The following RNF121 variants were observed in gnomAD, a reference collection of about 807,000 sequenced individuals.
RNF121 encodes the protein ring finger protein 121, also known as E3 ubiquitin ligase RNF121.
A neutral mutation model predicts 46.5 loss-of-function variants in RNF121; 21 were observed. The observed-to-expected ratio is 0.45, with a 90% CI of 0.32 to 0.65. The LOEUF (loss-of-function observed/expected upper bound fraction) is 0.65, where lower values mean the gene tolerates loss of function less well. Among genes scored for constraint, RNF121 ranks in the 30% least tolerant of loss-of-function variants. The pLI, the probability that RNF121 is intolerant of heterozygous loss-of-function variation, is 0.04. For missense variants in RNF121, 346 were observed against 416.0 expected (o/e 0.83, Z 1.46); for synonymous variants, 139 against 144.7 (o/e 0.96, Z 0.28).
chr11:71,983,580 TG>T (rs1954707425), intron 4 of RNF121: 2 of 152,246 alleles, frequency 1.3e-5, no homozygotes, highest in African/African-American at 4.8e-5. Context: ...CACCAGCTTG[TG>T]AGGTAATTTA....
At chr11:71,932,474 A>AGG (rs35483977) in intron 1 of RNF121, among the ~76,000 whole-genome samples, 3 of 152,220 alleles carry the variant, frequency 2.0e-5, no homozygotes, top group Non-Finnish European at 4.4e-5. Context: ...TTTGTGCTCT[A>AGG]GGGGGTGGGA....
At chr11:71,945,903 G>A (rs775269754) in intron 1 of RNF121, among the ~76,000 whole-genome samples, 5 of 151,952 alleles carry the variant, frequency 3.3e-5, no homozygotes, top group African/African-American at 9.7e-5. Context: ...ACTTGAACCC[G>A]GGAGTTCAAG....
chr11:71,945,982 G>A (rs187498629), intron 1 of RNF121, among the ~76,000 whole-genome samples: 246 of 152,010 alleles, frequency 1.6e-3, no homozygotes, highest in Non-Finnish European at 2.9e-3. Context: ...ATGGTGGCTC[G>A]TTTCTGTAGT....
intron 1 of RNF121, among the ~76,000 whole-genome samples, chr11:71,955,966 T>G (rs1322968190): frequency 6.6e-6 from 1 of 152,188 alleles, no homozygotes; most frequent in African/African-American, 2.4e-5. Context: ...CTGGTAAATT[T>G]ATTTTTTGAC....
chr11:71,993,238 C>T (rs879512349), intron 6 of RNF121, among the ~76,000 whole-genome samples: 3 of 152,204 alleles, frequency 2.0e-5, no homozygotes, highest in Non-Finnish European at 4.4e-5. Context: ...GACCATGTCA[C>T]CATTTTGACC....
At chr11:71,946,867 CTT>C (rs34778760) in intron 1 of RNF121, among the ~76,000 whole-genome samples, 1 of 98,402 alleles carries the variant, frequency 1.0e-5, no homozygotes, top group Non-Finnish European at 1.8e-5. Flanking sequence ...TGCTCTGGCT[CTT>C]TTTTTTTTTT....
At chr11:71,940,969 G>A (rs1953554236) in intron 1 of RNF121, among the ~76,000 whole-genome samples, 1 of 152,250 alleles carries the variant, frequency 6.6e-6, no homozygotes, top group Non-Finnish European at 1.5e-5. Context: ...ACGTTAAACA[G>A]CGTGGAATAT....
intron 1 of RNF121, among the ~76,000 whole-genome samples, chr11:71,946,111 A>C (rs1393308335): frequency 6.7e-6 from 1 of 149,230 alleles, no homozygotes; most frequent in Non-Finnish European, 1.5e-5. Flanking sequence ...ACTCTGCCTT[A>C]AAAAAGAAAA....
intron 1 of RNF121, among the ~76,000 whole-genome samples, chr11:71,950,093 G>A (rs1046807965): frequency 2.6e-5 from 4 of 152,062 alleles, no homozygotes; most frequent in Non-Finnish European, 1.5e-5. Flanking sequence ...TTCTCTAGCT[G>A]TATAGTTGAT....
chr11:71,986,785 A>T (rs543902429), intron 4 of RNF121, among the ~76,000 whole-genome samples: 1 of 151,568 alleles, frequency 6.6e-6, no homozygotes, highest in Non-Finnish European at 1.5e-5. Flanking sequence ...AAAAAAAAAA[A>T]AAAAGAAAAA....
intron 1 of RNF121, among the ~76,000 whole-genome samples, chr11:71,956,651 G>T (rs1010176751): frequency 6.6e-6 from 1 of 152,218 alleles, no homozygotes; most frequent in Non-Finnish European, 1.5e-5. Context: ...GAGTCACATG[G>T]TGTTATATCT....
chr11:71,952,474 A>T (rs1305148394), intron 1 of RNF121, among the ~76,000 whole-genome samples: 1 of 152,196 alleles, frequency 6.6e-6, no homozygotes, highest in Admixed American at 6.5e-5. Context: ...GACAATTTAT[A>T]TATTTGTGTA....
At position 71,995,570 on chromosome 11, in the gene RNF121, G is replaced by A. The variant is rs141161587; in HGVS notation, c.863+19G>A. 39 of 1,549,988 alleles carry A rather than the reference G, an allele frequency of 2.5e-5. No homozygotes were observed. Among genetic ancestry groups the A allele is most frequent in the East Asian group, 1.2e-4 (5 of 42,150 alleles). On this transcript the variant is annotated intron_variant, in intron 8 of 8. Coordinates refer to ENST00000361756, the MANE Select transcript of RNF121 (RefSeq NM_018320.5). ...GCAATCCGTATCCTTTATTGGGGTC[G>A]TTGTTGGGAGTGGGCTGTGGGAAGA...
chr11:71,994,645 G>A, intron 6 of RNF121, 74 bp from the exon 7 acceptor site: 3 of 1,585,790 alleles, frequency 1.9e-6, no homozygotes, highest in Non-Finnish European at 2.6e-6. Flanking sequence ...AAGGCCTGAG[G>A]TCTCTGTGGA....
chr11:71,935,320 C>T (rs1953380457), intron 1 of RNF121, among the ~76,000 whole-genome samples: 1 of 152,200 alleles, frequency 6.6e-6, no homozygotes, highest in African/African-American at 2.4e-5. Flanking sequence ...GAAGCTGAGG[C>T]ATAGAGAATT....
chr11:71,950,489 C>A (rs1953847043), intron 1 of RNF121, among the ~76,000 whole-genome samples: 1 of 149,524 alleles, frequency 6.7e-6, no homozygotes. Flanking sequence ...GAGGCTGAGG[C>A]AGGAGAATCG....
chr11:71,984,947 G>A lies in RNF121; in HGVS notation c.398+2032G>A, dbSNP rs572059217. 6.8e-4 allele frequency among the ~76,000 whole-genome samples: 102 copies of A among 150,612 alleles called. 2 individuals are homozygous for A. The highest frequency in any genetic ancestry group is 6.9e-3 in the Middle Eastern group (2 of 290). Reference sequence around the variant, plus strand: ...AAGCACTTTTTAAAAATAGAGATGAGGTCGCACTCTGTCGCCCAGGCTAGA... The same window carrying A: ...AAGCACTTTTTAAAAATAGAGATGAAGTCGCACTCTGTCGCCCAGGCTAGA... On this transcript the variant is annotated intron_variant, in intron 4 of 8. Transcript: ENST00000361756.
chr11:71,987,090 T>G lies in RNF121; in HGVS notation c.485T>G (p.Phe162Cys), dbSNP rs778454103. The G allele has an allele frequency of 2.5e-6, 4 of 1,611,108 alleles. No homozygotes were observed. The highest frequency in any genetic ancestry group is 3.3e-5 in the Admixed American group (2 of 60,022). The change falls in exon 5 of 9, where the codon TTT (phenylalanine) becomes TGT (cysteine). Residue 162 changes from phenylalanine to cysteine, a missense_variant. Transcript: ENST00000361756. ...VGYMAVMFTL[F>C]GLNLLFKIKP... ...TACATGGCTGTCATGTTTACCCTCT[T>G]TGGTCTTAACTTATTATTCAAGTGA...
chr11:71,947,366 A>G (rs1300847043), intron 1 of RNF121, among the ~76,000 whole-genome samples: 1 of 151,906 alleles, frequency 6.6e-6, no homozygotes, highest in East Asian at 1.9e-4. Flanking sequence ...GCATGTGCCT[A>G]TAGTCCTAGC....
Sources: gnomAD v4.1 joint callset for allele counts (sites outside exome capture counted in the v4.1 genomes callset) on GRCh38, gnomAD v4.1.1 for gene constraint, MANE v1.5 for transcripts, NCBI Gene and HGNC (gene_info 2026-07-23, HGNC 2026-07-21) for gene names.